The following SNAPC1 variants were observed in gnomAD, a reference collection of about 807,000 sequenced individuals.
SNAPC1 encodes small nuclear RNA activating complex polypeptide 1, also known as snRNA-activating protein complex subunit 1.
A neutral mutation model predicts 50.1 loss-of-function variants in SNAPC1; 42 were observed. The ratio of observed to expected loss-of-function variants is 0.84; its 90% confidence interval spans 0.65 to 1.08. SNAPC1 has a LOEUF of 1.08. SNAPC1 is among the 50% of genes least tolerant of loss of function. The pLI is 0.00. For missense variants in SNAPC1, 477 were observed against 427.3 expected, an observed-to-expected ratio of 1.12 and a Z score of -1.02; for synonymous variants, 164 against 144.2, an observed-to-expected ratio of 1.14 and a Z score of -0.98.
At position 61,778,909 on chromosome 14, in the gene SNAPC1, A is replaced by G. The variant is rs1475891330; in HGVS notation, c.824A>G (p.Gln275Arg). 2 of 1,513,812 alleles carry G rather than the reference A, an allele frequency of 1.3e-6. No individual in the cohort carries two copies. The highest frequency in any genetic ancestry group is 1.4e-5 in the African/African-American group (1 of 70,632). The allele number at this position is 1,513,812 out of a possible 1,614,324, so 93.8% of individuals were successfully genotyped here. A position where few individuals can be genotyped will look rare whatever the true frequency, so the allele number is the denominator to read the frequency against. The change falls in exon 7 of 10, where the codon CAG becomes CGG. Residue 275 changes from glutamine (Q) to arginine (R), a missense_variant and splice_region_variant. By Grantham distance (43) the Gln-to-Arg change is conservative. Transcript: ENST00000216294. ...TCAAAGGCCTTTTCAGTTGTCATACAGGTAAGTTATTCTTTAATAAGGTAA... is the reference window on the plus strand; with the variant it reads ...TCAAAGGCCTTTTCAGTTGTCATACGGGTAAGTTATTCTTTAATAAGGTAA... ...IKSKAFSVVIQASKSRRHRQV... is the reference protein window; with the variant it reads ...IKSKAFSVVIRASKSRRHRQV...
At chr14:61,776,398 T>C in intron 5 of SNAPC1, 145 bp downstream of exon 5, 1 of 673,206 alleles carries the variant, frequency 1.5e-6, no homozygotes, top group Non-Finnish European at 2.5e-6. Flanking sequence ...CTAGTTCCAC[T>C]TTTGCCACTT....
At chr14:61,788,317 A>G (rs1207313687) in intron 8 of SNAPC1, among the ~76,000 whole-genome samples, 2 of 152,236 alleles carry the variant, frequency 1.3e-5, no homozygotes, top group East Asian at 1.9e-4. Flanking sequence ...CCAAATGCTT[A>G]CTTTGTAGTT....
chr14:61,787,363 A>G (rs1287336657), intron 8 of SNAPC1, among the ~76,000 whole-genome samples: 3 of 151,064 alleles, frequency 2.0e-5, no homozygotes, highest in African/African-American at 4.9e-5. Flanking sequence ...GTTTGATTAT[A>G]TTTCAAAAAT....
intron 4 of SNAPC1, among the ~76,000 whole-genome samples, chr14:61,773,397 G>GTTTTT (rs58782943): frequency 1.9e-4 from 19 of 99,310 alleles, no homozygotes; most frequent in South Asian, 3.9e-4. Context: ...TATTTCCTTA[G>GTTTTT]TTTTTTTTTT....
At chr14:61,780,971 T>C (rs1042668657) in intron 7 of SNAPC1, among the ~76,000 whole-genome samples, 1 of 152,198 alleles carries the variant, frequency 6.6e-6, no homozygotes, top group Non-Finnish European at 1.5e-5. Flanking sequence ...ATCATTTACA[T>C]AGTATTAGGT....
chr14:61,779,083 C>T (rs927099871), intron 7 of SNAPC1, among the ~76,000 whole-genome samples, 173 bp downstream of exon 7: 1 of 152,188 alleles, frequency 6.6e-6, no homozygotes, highest in Non-Finnish European at 1.5e-5. Flanking sequence ...GTATTCCTAA[C>T]CTTCAGAGAC....
chr14:61,794,935 C>G lies in SNAPC1; in HGVS notation c.1073-14C>G, dbSNP rs1204823808. ...TTTTTAGATCTGACTGACTTTTAAA[C>G]TTTATGTCTTTAGAGTTCACTGCAT... On this transcript the variant is annotated splice_polypyrimidine_tract_variant and intron_variant, in intron 9 of 9. Coordinates refer to ENST00000216294, the MANE Select transcript of SNAPC1 (RefSeq NM_003082.4). 2 of 1,540,140 alleles carry G rather than the reference C, an allele frequency of 1.3e-6. No individual in the cohort carries two copies. The highest frequency in any genetic ancestry group is 1.8e-6 in the Non-Finnish European group (2 of 1,126,126).
chr14:61,787,185 G>A (rs2045120298), intron 8 of SNAPC1, among the ~76,000 whole-genome samples: 1 of 152,176 alleles, frequency 6.6e-6, no homozygotes. Flanking sequence ...TGGGGTGATG[G>A]AAATCTATAT....
intron 9 of SNAPC1, among the ~76,000 whole-genome samples, chr14:61,793,464 A>G (rs1426147569): frequency 6.6e-6 from 1 of 152,010 alleles, no homozygotes; most frequent in Non-Finnish European, 1.5e-5. Context: ...GCTGGTCTCA[A>G]ACTCCTGGGC....
chr14:61,786,802 A>C (rs1256488340), intron 8 of SNAPC1, among the ~76,000 whole-genome samples: 1 of 152,238 alleles, frequency 6.6e-6, no homozygotes, highest in Non-Finnish European at 1.5e-5. Flanking sequence ...CTTGGTATTT[A>C]CTCAAGAGAA....
At position 61,795,179 on chromosome 14, in the gene SNAPC1, T is replaced by G. The variant is rs554328117; in HGVS notation, c.*196T>G. ...AGAATAAGAATTCTTTAACATTTTCTTTAATGATTTGCATAAATGGAGATA... is the reference window on the plus strand; with the variant it reads ...AGAATAAGAATTCTTTAACATTTTCGTTAATGATTTGCATAAATGGAGATA... On this transcript the variant is annotated 3_prime_UTR_variant, in exon 10 of 10. Transcript: ENST00000216294. 28 of 521,962 alleles carry G rather than the reference T, an allele frequency of 5.4e-5. 1 individual carries two copies. In the South Asian group the frequency reaches 7.2e-4, roughly 13 times the overall value. The allele number at this position is 521,962 out of a possible 1,614,324, so 32.3% of individuals were successfully genotyped here.
chr14:61,791,805 C>T (rs1012959743), intron 8 of SNAPC1, among the ~76,000 whole-genome samples: 4 of 151,838 alleles, frequency 2.6e-5, no homozygotes, highest in Admixed American at 6.6e-5. Context: ...GCTGGGATTA[C>T]GCCACTGTAC....
intron 4 of SNAPC1, among the ~76,000 whole-genome samples, chr14:61,774,165 C>CTTTTTT (rs377461957): frequency 7.3e-6 from 1 of 136,406 alleles, no homozygotes. Context: ...TTTTCTTCTT[C>CTTTTTT]TTTTTTTTTT....
intron 4 of SNAPC1, among the ~76,000 whole-genome samples, chr14:61,772,598 C>G (rs1367486871): frequency 6.6e-6 from 1 of 152,138 alleles, no homozygotes; most frequent in Non-Finnish European, 1.5e-5. Context: ...CTATGTTGCC[C>G]AGGCAGGTCT....
chr14:61,770,539 C>T (rs950978733), intron 4 of SNAPC1, among the ~76,000 whole-genome samples: 55 of 152,152 alleles, frequency 3.6e-4, no homozygotes, highest in African/African-American at 1.3e-3. Flanking sequence ...CCACTGTGCC[C>T]GGTCGCCCCC....
intron 9 of SNAPC1, among the ~76,000 whole-genome samples, chr14:61,793,887 C>A (rs2045170248): frequency 6.6e-6 from 1 of 152,112 alleles, no homozygotes; most frequent in Admixed American, 6.6e-5. Context: ...AACTCCTGAC[C>A]TTAAGTGATC....
At chr14:61,794,927 C>G in intron 9 of SNAPC1, 22 bp from the exon 10 acceptor site, 1 of 1,541,334 alleles carries the variant, frequency 6.5e-7, no homozygotes, top group South Asian at 1.2e-5. Context: ...ATCTGACTGA[C>G]TTTTAAACTT....
intron 8 of SNAPC1, among the ~76,000 whole-genome samples, chr14:61,783,871 G>A (rs748821581): frequency 3.3e-4 from 50 of 152,056 alleles, no homozygotes; most frequent in Non-Finnish European, 5.1e-4. Context: ...TCTGAATAAT[G>A]TATATGCACC....
chr14:61,770,867 G>A (rs1347870380), intron 4 of SNAPC1, among the ~76,000 whole-genome samples: 1 of 151,920 alleles, frequency 6.6e-6, no homozygotes, highest in East Asian at 1.9e-4. Context: ...TCAGCCTCTC[G>A]AGTAGCTGGG....
Sources: allele counts gnomAD v4.1 joint callset (sites outside exome capture counted in the v4.1 genomes callset), GRCh38; gene constraint gnomAD v4.1.1; transcripts MANE v1.5; gene names NCBI Gene and HGNC (gene_info 2026-07-23, HGNC 2026-07-21).